SNTG1: variants seen among roughly 807,000 people sequenced by gnomAD.
SNTG1 encodes the protein gamma-1-syntrophin.
A neutral mutation model predicts 74.7 loss-of-function variants in SNTG1; 39 were observed. The observed-to-expected ratio is 0.52, with a 90% CI of 0.40 to 0.68. SNTG1 has a LOEUF of 0.68. Among genes scored for constraint, SNTG1 ranks in the 30% least tolerant of loss-of-function variants. The probability of loss-of-function intolerance (pLI) is 0.00; values close to 1 mark genes in which losing one functional copy is unlikely to be tolerated. For synonymous variants in SNTG1, 254 were observed against 217.1 expected (o/e 1.17, Z -1.49); for missense variants, 685 against 609.5 (o/e 1.12, Z -1.30).
intron 1 of SNTG1, among the ~76,000 whole-genome samples, chr8:50,168,825 C>A (rs1166468897): frequency 6.6e-6 from 1 of 152,036 alleles, no homozygotes; most frequent in African/African-American, 2.4e-5. Flanking sequence ...CAGAGAGATC[C>A]AGTGTACACT....
intron 18 of SNTG1, 69 bp from the exon 19 acceptor site, chr8:50,792,601 AT>A (rs1344277459): frequency 6.9e-7 from 1 of 1,440,572 alleles, no homozygotes; most frequent in African/African-American, 1.4e-5. Context: ...TTGAAAAAAA[AT>A]CTAGCTATTA....
intron 18 of SNTG1, among the ~76,000 whole-genome samples, chr8:50,763,816 A>G (rs2095605961): frequency 6.8e-6 from 1 of 147,730 alleles, no homozygotes; most frequent in South Asian, 2.1e-4. Flanking sequence ...CAAAATTTCA[A>G]TTTTACTTTT....
intron 15 of SNTG1, among the ~76,000 whole-genome samples, chr8:50,683,482 C>T (rs1267421997): frequency 6.6e-6 from 1 of 152,094 alleles, no homozygotes; most frequent in Non-Finnish European, 1.5e-5. Flanking sequence ...TGGCCAAAAA[C>T]TTCCCCTTTA....
intron 2 of SNTG1, among the ~76,000 whole-genome samples, chr8:50,284,357 C>T (rs914889571): frequency 1.3e-5 from 2 of 151,788 alleles, no homozygotes; most frequent in Non-Finnish European, 2.9e-5. Flanking sequence ...GGTAAATTAC[C>T]ATTTTCATCC....
chr8:50,263,764 C>T (rs2130143792), intron 2 of SNTG1, among the ~76,000 whole-genome samples: 1 of 152,112 alleles, frequency 6.6e-6, no homozygotes, highest in South Asian at 2.1e-4. Context: ...TAGCTGGAGA[C>T]TTCAATACAG....
chr8:50,753,848 A>G (rs1167966078), intron 18 of SNTG1, among the ~76,000 whole-genome samples: 1 of 151,994 alleles, frequency 6.6e-6, no homozygotes, highest in Non-Finnish European at 1.5e-5. Context: ...AGTTGTTGAA[A>G]TTCTTTAAAG....
At chr8:50,310,906 G>A (rs2090085801) in intron 2 of SNTG1, among the ~76,000 whole-genome samples, 1 of 151,998 alleles carries the variant, frequency 6.6e-6, no homozygotes, top group African/African-American at 2.4e-5. Flanking sequence ...AGCTAAATGG[G>A]GTCTTACAGT....
intron 2 of SNTG1, among the ~76,000 whole-genome samples, chr8:50,240,645 A>C (rs147189611): frequency 1.9e-4 from 29 of 152,276 alleles, no homozygotes; most frequent in African/African-American, 6.0e-4. Context: ...GAGCTCAGTC[A>C]AGCTCCATCC....
chr8:50,170,504 A>G (rs1435486527), intron 1 of SNTG1, among the ~76,000 whole-genome samples: 1 of 152,198 alleles, frequency 6.6e-6, no homozygotes, highest in African/African-American at 2.4e-5. Context: ...CATGTATGAC[A>G]TATGTGGGGA....
intron 1 of SNTG1, among the ~76,000 whole-genome samples, chr8:50,039,644 AT>A (rs935740005): frequency 5.9e-5 from 9 of 151,542 alleles, no homozygotes; most frequent in South Asian, 2.1e-4. Flanking sequence ...AATGATTTAC[AT>A]TTTTTTTGCC....
chr8:50,454,330 A>T (rs987278415), intron 8 of SNTG1, among the ~76,000 whole-genome samples: 1 of 151,292 alleles, frequency 6.6e-6, no homozygotes, highest in Non-Finnish European at 1.5e-5. Context: ...TCCCATCTCT[A>T]CTAAAAATAC....
chr8:50,430,327 A>G (rs796121472), intron 4 of SNTG1, among the ~76,000 whole-genome samples: 14 of 152,304 alleles, frequency 9.2e-5, no homozygotes, highest in African/African-American at 3.4e-4. Context: ...AAACATCAGT[A>G]TCAATATTAA....
At chr8:49,967,133 T>G (rs1811216119) in intron 1 of SNTG1, among the ~76,000 whole-genome samples, 1 of 152,204 alleles carries the variant, frequency 6.6e-6, no homozygotes, top group Non-Finnish European at 1.5e-5. Flanking sequence ...CTCATAACAG[T>G]CCTTCGAAGC....
chr8:50,425,934 T>TAGAGTGTC (rs2093158323), intron 4 of SNTG1, among the ~76,000 whole-genome samples: 2 of 152,300 alleles, frequency 1.3e-5, no homozygotes, highest in African/African-American at 4.8e-5. Flanking sequence ...AAGTGCAAAG[T>TAGAGTGTC]AGAGTGTCTG....
At chr8:50,644,440 C>T (rs1200846489) in intron 13 of SNTG1, 3 of 152,192 alleles carry the variant, frequency 2.0e-5, no homozygotes, top group Admixed American at 2.0e-4. Context: ...TGATGATCCA[C>T]TCCGACTTAA....
At chr8:50,673,537 A>G (rs1468986304) in intron 15 of SNTG1, among the ~76,000 whole-genome samples, 1 of 152,046 alleles carries the variant, frequency 6.6e-6, no homozygotes, top group East Asian at 1.9e-4. Flanking sequence ...GTATGTTGAG[A>G]CTTTGCTGAA....
intron 1 of SNTG1, among the ~76,000 whole-genome samples, chr8:49,991,027 T>C (rs1163445134): frequency 6.6e-6 from 1 of 152,284 alleles, no homozygotes; most frequent in Non-Finnish European, 1.5e-5. Flanking sequence ...GGAAAAAGTG[T>C]TGGCAAATTA....
intron 1 of SNTG1, among the ~76,000 whole-genome samples, chr8:50,043,759 A>G (rs965661071): frequency 6.6e-6 from 1 of 152,206 alleles, no homozygotes; most frequent in Admixed American, 6.5e-5. Flanking sequence ...CTTGTGGAAC[A>G]GTGAGATTAC....
At chr8:50,524,338 T>C (rs927276800) in intron 9 of SNTG1, among the ~76,000 whole-genome samples, 1 of 152,132 alleles carries the variant, frequency 6.6e-6, no homozygotes, top group Non-Finnish European at 1.5e-5. Flanking sequence ...CTTGCTGTTA[T>C]TAATTCCCTT....
Sources: allele counts gnomAD v4.1 joint callset (sites outside exome capture counted in the v4.1 genomes callset), GRCh38; gene constraint gnomAD v4.1.1; transcripts MANE v1.5; gene names NCBI Gene and HGNC (gene_info 2026-07-23, HGNC 2026-07-21).